Variants in FHIP1A observed in about 807,000 individuals in gnomAD.
The protein encoded by FHIP1A is FHF complex subunit HOOK interacting protein 1A, also known as FHF complex subunit HOOK-interacting protein 1A.
In FHIP1A, 61 loss-of-function variants were observed where a neutral mutation model predicts 88.6. The ratio of observed to expected loss-of-function variants is 0.69; its 90% CI spans 0.56 to 0.85. The LOEUF (loss-of-function observed/expected upper bound fraction) is 0.85, where lower values mean the gene tolerates loss of function less well. Among genes scored for constraint, FHIP1A ranks in the 40% least tolerant of loss-of-function variants. The probability of loss-of-function intolerance (pLI) is 0.00; values close to 1 mark genes in which losing one functional copy is unlikely to be tolerated. For missense variants in FHIP1A, 1,154 were observed against 1,273.5 expected (o/e 0.91, Z 1.43); for synonymous variants, 478 against 496.0 (o/e 0.96, Z 0.48).
At chr4:151,417,230 A>G (rs1420503905) in intron 1 of FHIP1A, among the ~76,000 whole-genome samples, 3 of 152,146 alleles carry the variant, frequency 2.0e-5, no homozygotes, top group African/African-American at 7.2e-5. Context: ...TGGTTTCAGA[A>G]TTTTCTGGGG....
At chr4:151,517,536 G>A (rs1038946951) in intron 3 of FHIP1A, among the ~76,000 whole-genome samples, 2 of 151,966 alleles carry the variant, frequency 1.3e-5, no homozygotes, top group Admixed American at 6.6e-5. Flanking sequence ...CCCTTTTTCT[G>A]TGCATATTTT....
chr4:151,434,409 A>C (rs771413484), intron 1 of FHIP1A, among the ~76,000 whole-genome samples: 15 of 152,216 alleles, frequency 9.9e-5, no homozygotes, highest in Non-Finnish European at 2.2e-4. Context: ...TTCTAAATTT[A>C]CATATTTTTT....
intron 1 of FHIP1A, among the ~76,000 whole-genome samples, chr4:151,445,137 A>G (rs777637586): frequency 8.5e-5 from 13 of 152,204 alleles, no homozygotes; most frequent in Non-Finnish European, 1.8e-4. Context: ...ATAATTTGCT[A>G]CAAAGGCTTG....
At chr4:151,583,830 T>G (rs1040508846) in intron 5 of FHIP1A, among the ~76,000 whole-genome samples, 2 of 152,234 alleles carry the variant, frequency 1.3e-5, no homozygotes, top group Non-Finnish European at 2.9e-5. Flanking sequence ...AAGAAGCAAC[T>G]CATTTGGGTC....
At chr4:151,645,976 G>C (rs1736778116) in intron 9 of FHIP1A, among the ~76,000 whole-genome samples, 1 of 152,104 alleles carries the variant, frequency 6.6e-6, no homozygotes, top group Admixed American at 6.5e-5. Flanking sequence ...CATAAGAAAA[G>C]GTTTACACTA....
intron 2 of FHIP1A, among the ~76,000 whole-genome samples, chr4:151,456,218 G>T (rs989539685): frequency 1.3e-5 from 2 of 152,224 alleles, no homozygotes; most frequent in East Asian, 3.9e-4. Flanking sequence ...TGTCATTCCC[G>T]AAAGTCTATC....
intron 5 of FHIP1A, among the ~76,000 whole-genome samples, chr4:151,582,831 G>A (rs888766369): frequency 6.6e-6 from 1 of 152,116 alleles, no homozygotes; most frequent in Admixed American, 6.6e-5. Context: ...TTTTAAATGA[G>A]CTGTTGAATA....
intron 3 of FHIP1A, among the ~76,000 whole-genome samples, chr4:151,510,202 T>G (rs1345846673): frequency 6.6e-6 from 1 of 152,086 alleles, no homozygotes; most frequent in African/African-American, 2.4e-5. Context: ...GCTCCTGGGT[T>G]CAGGTGATCC....
In FHIP1A at chr4:151,656,217, G is replaced by T. The variant is rs1737226806; in HGVS notation, c.2552-15G>T. ...TGAGCCCAGCCAGCCCTGAAGCCTT[G>T]TGTTCTTCCTGCAGGCCCATTCATC... On this transcript the variant is annotated splice_polypyrimidine_tract_variant and intron_variant, in intron 11 of 13. Transcript: ENST00000435205. The surrounding 1 kb of genome is among the most constrained non-coding windows in gnomAD (Gnocchi z 4.2). The T allele has an allele frequency of 2.6e-6, 4 of 1,549,634 alleles. No homozygotes were observed. The highest frequency in any genetic ancestry group is 2.6e-6 in the Non-Finnish European group (3 of 1,145,256).
At chr4:151,493,776 C>T (rs1730366263) in intron 3 of FHIP1A, among the ~76,000 whole-genome samples, 1 of 152,116 alleles carries the variant, frequency 6.6e-6, no homozygotes, top group Admixed American at 6.5e-5. Context: ...TCCAACATTG[C>T]TTTATGATTA....
At chr4:151,429,920 G>C (rs1200372118) in intron 1 of FHIP1A, among the ~76,000 whole-genome samples, 1 of 149,982 alleles carries the variant, frequency 6.7e-6, no homozygotes, top group African/African-American at 2.5e-5. Context: ...CCAGCTTACA[G>C]ATACCAAATT....
intron 1 of FHIP1A, among the ~76,000 whole-genome samples, chr4:151,436,189 A>C (rs1049275012): frequency 1.9e-4 from 29 of 152,214 alleles, no homozygotes; most frequent in African/African-American, 7.0e-4. Context: ...CCTGGTGTTC[A>C]TGTTACATTT....
intron 11 of FHIP1A, among the ~76,000 whole-genome samples, chr4:151,654,073 T>G (rs971230662): frequency 2.1e-4 from 25 of 119,966 alleles, no homozygotes; most frequent in Admixed American, 1.0e-3. Context: ...TTAAGCAGGG[T>G]TTTTTTTTTT....
At chr4:151,608,762 C>G (rs1560797332) in intron 7 of FHIP1A, among the ~76,000 whole-genome samples, 1 of 152,232 alleles carries the variant, frequency 6.6e-6, no homozygotes, top group African/African-American at 2.4e-5. Context: ...CCTCCCAAGA[C>G]TGTGGTGGAC....
At chr4:151,554,514 A>C (rs2126751496) in intron 3 of FHIP1A, among the ~76,000 whole-genome samples, 1 of 152,330 alleles carries the variant, frequency 6.6e-6, no homozygotes, top group Middle Eastern at 3.4e-3. Context: ...TAAAAGGTTT[A>C]GAGGAGAAAG....
intron 7 of FHIP1A, 41 bp downstream of exon 7, chr4:151,588,967 A>G (rs1734323997): frequency 7.7e-7 from 1 of 1,302,136 alleles, no homozygotes; most frequent in Non-Finnish European, 1.1e-6. Flanking sequence ...TCTATAATAC[A>G]AGTGATGGAC....
chr4:151,630,862 T>C (rs2126879236), intron 8 of FHIP1A, among the ~76,000 whole-genome samples: 1 of 152,304 alleles, frequency 6.6e-6, no homozygotes, highest in African/African-American at 2.4e-5. Flanking sequence ...GAAAGAAATT[T>C]GGGAAATTCA....
chr4:151,433,724 T>C (rs1443417080), intron 1 of FHIP1A, among the ~76,000 whole-genome samples: 16 of 152,130 alleles, frequency 1.1e-4, no homozygotes, highest in Admixed American at 1.0e-3. Flanking sequence ...TTTTGGCTAT[T>C]TTTATTTTTG....
chr4:151,464,146 T>C (rs1379781467), intron 2 of FHIP1A, among the ~76,000 whole-genome samples: 1 of 152,158 alleles, frequency 6.6e-6, no homozygotes. Context: ...CTGCCTCACC[T>C]TTCCAAGTAG....
Sources: gnomAD v4.1 joint callset for allele counts (sites outside exome capture counted in the v4.1 genomes callset) on GRCh38, gnomAD v4.1.1 for gene constraint, Gnocchi (gnomAD v3.1) non-coding constraint, MANE v1.5 for transcripts, NCBI Gene and HGNC (gene_info 2026-07-23, HGNC 2026-07-21) for gene names.